CNTN5: variants seen among roughly 807,000 people sequenced by gnomAD.
CNTN5 encodes the protein contactin-5.
Under a neutral mutation model 129.1 loss-of-function variants are expected in CNTN5, and 77 were observed. That is an observed-to-expected ratio of 0.60 (90% CI 0.50 to 0.72). The LOEUF is 0.72. CNTN5 is among the 30% of genes least tolerant of loss of function. The pLI, the probability that CNTN5 is intolerant of heterozygous loss-of-function variation, is 0.00. For synonymous variants in CNTN5, 509 were observed against 465.6 expected, an observed-to-expected ratio of 1.09 and a Z score of -1.20; for missense variants, 1,478 against 1,328.8, an observed-to-expected ratio of 1.11 and a Z score of -1.75.
intron 2 of CNTN5, among the ~76,000 whole-genome samples, chr11:99,513,638 T>C (rs1476577337): frequency 6.6e-6 from 1 of 152,048 alleles, no homozygotes; most frequent in Non-Finnish European, 1.5e-5. Flanking sequence ...GCCTGTTCTA[T>C]GTAAATGGAA....
chr11:100,066,804 A>G lies in CNTN5; in HGVS notation c.1163-3620A>G, dbSNP rs138728469. ...TGTTATTATTCAGAAGCCAAAGCCA[A>G]TGCCCTTTAGTTACTTGCAGTCCTC... is the stretch of plus-strand genomic sequence containing the variant. On this transcript the variant is annotated intron_variant, in intron 10 of 24. Coordinates refer to ENST00000524871, the MANE Select transcript of CNTN5 (RefSeq NM_014361.4). Among the ~76,000 whole-genome samples, 277 of 147,844 alleles carry G rather than the reference A, an allele frequency of 1.9e-3. 3 individuals are homozygous for G. Among genetic ancestry groups the G allele is most frequent in the African/African-American group, 6.9e-3 (272 of 39,606 alleles).
At chr11:100,246,577 A>G (rs1017542271) in intron 16 of CNTN5, among the ~76,000 whole-genome samples, 4 of 152,158 alleles carry the variant, frequency 2.6e-5, no homozygotes, top group Non-Finnish European at 4.4e-5. Flanking sequence ...TGCTCATCAC[A>G]GTTTGAAAGT....
chr11:100,317,501 T>C (rs1054061364), intron 21 of CNTN5, among the ~76,000 whole-genome samples: 2 of 152,156 alleles, frequency 1.3e-5, no homozygotes, highest in Admixed American at 6.5e-5. Flanking sequence ...AAAAATAAAA[T>C]GCCAATTTTA....
chr11:99,328,030 A>G (rs1204948864), intron 2 of CNTN5, among the ~76,000 whole-genome samples: 1 of 152,212 alleles, frequency 6.6e-6, no homozygotes, highest in African/African-American at 2.4e-5. Flanking sequence ...CAATGTATGC[A>G]TCTCTTAGAG....
At chr11:100,274,619 A>C (rs564072199) in intron 18 of CNTN5, among the ~76,000 whole-genome samples, 1 of 152,268 alleles carries the variant, frequency 6.6e-6, no homozygotes, top group Admixed American at 6.5e-5. Flanking sequence ...ATCATGTGAG[A>C]AAAAGCTCAA....
chr11:99,944,401 A>G lies in CNTN5; in HGVS notation c.674-12405A>G, dbSNP rs941299929. Among the ~76,000 whole-genome samples, 6 of 152,124 alleles carry G rather than the reference A, an allele frequency of 3.9e-5. No homozygotes were observed. In the East Asian group the frequency reaches 9.6e-4, roughly 24 times the overall value. ...GCTATTTATGACAAACCTATAGCCA[A>G]TATCATACCGAATGGGCAAAAGCTG... On this transcript the variant is annotated intron_variant, in intron 7 of 24. Coordinates refer to ENST00000524871, the MANE Select transcript of CNTN5 (RefSeq NM_014361.4).
intron 21 of CNTN5, among the ~76,000 whole-genome samples, chr11:100,328,019 A>G (rs1951825193): frequency 6.6e-6 from 1 of 152,098 alleles, no homozygotes; most frequent in Non-Finnish European, 1.5e-5. Context: ...AAGGTATAGA[A>G]GTAACAGAAT....
chr11:99,651,102 T>G (rs1952138802), intron 3 of CNTN5, among the ~76,000 whole-genome samples: 1 of 151,982 alleles, frequency 6.6e-6, no homozygotes, highest in South Asian at 2.1e-4. Context: ...GACTCTGTCC[T>G]TTTTAGAAAA....
intron 2 of CNTN5, among the ~76,000 whole-genome samples, chr11:99,474,674 T>A (rs1236563986): frequency 6.6e-6 from 1 of 152,146 alleles, no homozygotes; most frequent in Non-Finnish European, 1.5e-5. Flanking sequence ...CAGTATTTAA[T>A]CTTTCAGGGA....
At chr11:99,921,245 C>G (rs1949931505) in intron 7 of CNTN5, among the ~76,000 whole-genome samples, 1 of 152,138 alleles carries the variant, frequency 6.6e-6, no homozygotes, top group African/African-American at 2.4e-5. Context: ...TTGGAGAACC[C>G]TCGCCATTTG....
intron 2 of CNTN5, among the ~76,000 whole-genome samples, chr11:99,475,756 A>G (rs996108550): frequency 3.9e-5 from 6 of 152,068 alleles, no homozygotes; most frequent in African/African-American, 1.4e-4. Context: ...AATTTTTAAA[A>G]TAATAAATGG....
At position 99,749,772 on chromosome 11, in the gene CNTN5, T is replaced by C. The variant is rs74570829; in HGVS notation, c.56-69772T>C. On this transcript the variant is annotated intron_variant, in intron 3 of 24. Transcript: ENST00000524871. ...TCTAGCACAACTCTTAAAGCAAGTC[T>C]ATTTTAGTTATATATTATTTTATCA... is the stretch of plus-strand genomic sequence containing the variant. Among the ~76,000 whole-genome samples the C allele has an allele frequency of 0.014, 2,097 of 152,286 alleles. 106 individuals carry two copies. In the East Asian group the frequency reaches 0.17, roughly 12 times the overall value.
At chr11:99,239,691 T>G (rs1002529452) in intron 1 of CNTN5, among the ~76,000 whole-genome samples, 3 of 151,892 alleles carry the variant, frequency 2.0e-5, no homozygotes, top group Non-Finnish European at 4.4e-5. Context: ...ATCCCAGCAC[T>G]TTGGGAGGCC....
At chr11:99,582,300 T>G (rs936481364) in intron 3 of CNTN5, among the ~76,000 whole-genome samples, 7 of 152,182 alleles carry the variant, frequency 4.6e-5, no homozygotes, top group African/African-American at 1.7e-4. Flanking sequence ...GACAATTATG[T>G]GTCTTGGAGT....
chr11:100,304,675 T>C (rs1288247050), intron 20 of CNTN5, among the ~76,000 whole-genome samples: 9 of 151,414 alleles, frequency 5.9e-5, no homozygotes, highest in Admixed American at 5.3e-4. Context: ...GGAAAAAGCA[T>C]CAGGTAAGTG....
intron 2 of CNTN5, among the ~76,000 whole-genome samples, chr11:99,431,859 A>G (rs1014254417): frequency 1.3e-5 from 2 of 152,060 alleles, no homozygotes; most frequent in African/African-American, 4.8e-5. Context: ...GTCAAGAGGG[A>G]GGGCATGGTC....
intron 13 of CNTN5, among the ~76,000 whole-genome samples, chr11:100,100,458 C>T (rs1483004586): frequency 6.6e-6 from 1 of 152,096 alleles, no homozygotes. Context: ...TGGAGTTCTA[C>T]AAACATTTAC....
At chr11:99,706,358 T>C (rs614514) in intron 3 of CNTN5, among the ~76,000 whole-genome samples, 80,865 of 151,250 alleles carry the variant, frequency 0.53, 21,868 homozygotes, top group African/African-American at 0.56. Context: ...TACTCTATTA[T>C]ATGTATAACA....
At chr11:100,199,544 C>A in intron 15 of CNTN5, among the ~76,000 whole-genome samples, 1 of 151,808 alleles carries the variant, frequency 6.6e-6, no homozygotes, top group Non-Finnish European at 1.5e-5. Context: ...AACTTGGGGA[C>A]CCTCACGAAG....
Sources: allele counts gnomAD v4.1 joint callset (sites outside exome capture counted in the v4.1 genomes callset), GRCh38; gene constraint gnomAD v4.1.1; transcripts MANE v1.5; gene names NCBI Gene and HGNC (gene_info 2026-07-23, HGNC 2026-07-21).